The following ROBO2 variants were observed in gnomAD, a reference collection of about 807,000 sequenced individuals.
ROBO2 encodes the protein roundabout homolog 2.
In ROBO2, 53 loss-of-function variants were observed where a neutral mutation model predicts 160.8. The ratio of observed to expected loss-of-function variants is 0.33; its 90% CI spans 0.26 to 0.41. The LOEUF (loss-of-function observed/expected upper bound fraction) is 0.41, where lower values mean the gene tolerates loss of function less well. Ranked by LOEUF, ROBO2 falls within the 10% of genes least tolerant of loss-of-function variation. The probability of loss-of-function intolerance (pLI) is 1.00; values close to 1 mark genes in which losing one functional copy is unlikely to be tolerated. For synonymous variants in ROBO2, 664 were observed against 611.7 expected (o/e 1.09, Z -1.26); for missense variants, 1,577 against 1,722.4 (o/e 0.92, Z 1.49).
intron 12 of ROBO2, among the ~76,000 whole-genome samples, chr3:77,567,028 A>G (rs1205863307): frequency 2.0e-5 from 3 of 151,966 alleles, no homozygotes; most frequent in African/African-American, 7.2e-5. Flanking sequence ...AATGTTATTC[A>G]CATAAAGGGA....
intron 2 of ROBO2, among the ~76,000 whole-genome samples, chr3:77,340,276 G>T (rs2066925930): frequency 6.6e-6 from 1 of 152,046 alleles, no homozygotes; most frequent in Admixed American, 6.6e-5. Context: ...ACTAGCAATA[G>T]AATTAGTAGT....
At chr3:77,631,193 T>A (rs991069975) in intron 23 of ROBO2, 1 of 151,992 alleles carries the variant, frequency 6.6e-6, no homozygotes, top group Non-Finnish European at 1.5e-5. Flanking sequence ...ACTCTATCTT[T>A]CTTTGCTACA....
At chr3:76,271,734 T>A (rs1184576117) in intron 2 of ROBO2, among the ~76,000 whole-genome samples, 2 of 151,836 alleles carry the variant, frequency 1.3e-5, no homozygotes, top group African/African-American at 4.8e-5. Flanking sequence ...TCTCTTTGTT[T>A]CTCTCCCTTT....
intron 2 of ROBO2, among the ~76,000 whole-genome samples, chr3:76,408,936 AT>A (rs1312919134): frequency 1.3e-5 from 2 of 151,968 alleles, no homozygotes; most frequent in Non-Finnish European, 2.9e-5. Context: ...TTAGAGTAAC[AT>A]TTGGGAGATT....
chr3:76,315,203 GTC>G (rs1222218211), intron 2 of ROBO2, among the ~76,000 whole-genome samples: 1 of 152,178 alleles, frequency 6.6e-6, no homozygotes, highest in Non-Finnish European at 1.5e-5. Flanking sequence ...TCCTGGAAGA[GTC>G]TGTTGAGTTC....
intron 2 of ROBO2, among the ~76,000 whole-genome samples, chr3:76,695,238 A>G (rs186645168): frequency 6.6e-6 from 1 of 152,324 alleles, no homozygotes; most frequent in Admixed American, 6.5e-5. Flanking sequence ...GAATAATGTT[A>G]TTCATCCCTT....
chr3:76,082,867 A>G (rs1576785307), intron 2 of ROBO2, among the ~76,000 whole-genome samples: 1 of 152,112 alleles, frequency 6.6e-6, no homozygotes, highest in African/African-American at 2.4e-5. Context: ...GAATAAATCA[A>G]TGATTTTTTT....
intron 4 of ROBO2, among the ~76,000 whole-genome samples, chr3:77,484,508 AACACACACACACACACAC>A (rs60959193): frequency 2.2e-4 from 33 of 146,834 alleles, no homozygotes; most frequent in African/African-American, 8.0e-4. Context: ...CCCCAACACA[AACACACACACACACACAC>A]ACACACACAC....
chr3:76,231,536 G>A (rs532116024), intron 2 of ROBO2, among the ~76,000 whole-genome samples: 4 of 152,160 alleles, frequency 2.6e-5, no homozygotes, highest in Non-Finnish European at 5.9e-5. Context: ...CCATTCATCT[G>A]TAGTTTCATT....
intron 2 of ROBO2, among the ~76,000 whole-genome samples, chr3:77,395,118 A>G (rs2153504796): frequency 1.3e-5 from 2 of 152,180 alleles, no homozygotes; most frequent in East Asian, 3.9e-4. Context: ...AGTATTTGCT[A>G]TTTTCTACCC....
At chr3:77,615,224 C>A (rs751385786) in intron 21 of ROBO2, among the ~76,000 whole-genome samples, 8 of 151,942 alleles carry the variant, frequency 5.3e-5, no homozygotes, top group Non-Finnish European at 7.4e-5. Context: ...AGGCTTACAG[C>A]AAAATTGAGC....
chr3:76,055,373 C>T (rs913897591), intron 2 of ROBO2, among the ~76,000 whole-genome samples: 4 of 152,132 alleles, frequency 2.6e-5, no homozygotes, highest in African/African-American at 9.7e-5. Flanking sequence ...ATTTTAGATG[C>T]AGAGATTATT....
chr3:77,251,269 T>C (rs1053129004), intron 2 of ROBO2, among the ~76,000 whole-genome samples: 4 of 152,002 alleles, frequency 2.6e-5, no homozygotes, highest in African/African-American at 7.2e-5. Flanking sequence ...TAATATGATG[T>C]GGACATCGCC....
intron 2 of ROBO2, among the ~76,000 whole-genome samples, chr3:77,475,464 A>C (rs2153583482): frequency 6.6e-6 from 1 of 152,200 alleles, no homozygotes; most frequent in East Asian, 1.9e-4. Flanking sequence ...GTAACGTTGT[A>C]TTTCTGAATG....
intron 6 of ROBO2, among the ~76,000 whole-genome samples, chr3:77,526,872 C>T (rs2091213562): frequency 6.6e-6 from 1 of 151,538 alleles, no homozygotes; most frequent in South Asian, 2.1e-4. Flanking sequence ...GTTATATTTT[C>T]ATCCACCCTG....
At chr3:76,492,246 C>T (rs1029129601) in intron 2 of ROBO2, among the ~76,000 whole-genome samples, 1 of 152,000 alleles carries the variant, frequency 6.6e-6, no homozygotes. Flanking sequence ...TTAAAATTAC[C>T]TGTTTAATTT....
chr3:76,343,267 A>G (rs2074335721), intron 2 of ROBO2, among the ~76,000 whole-genome samples: 1 of 152,106 alleles, frequency 6.6e-6, no homozygotes, highest in Admixed American at 6.6e-5. Flanking sequence ...AACAACCTAT[A>G]TACTGTGTTG....
At chr3:77,581,769 A>G (rs2093924649) in intron 16 of ROBO2, among the ~76,000 whole-genome samples, 1 of 152,100 alleles carries the variant, frequency 6.6e-6, no homozygotes. Context: ...GTTTTATCTC[A>G]GGTCAAATTA....
chr3:76,025,823 T>G (rs866287390), intron 2 of ROBO2, among the ~76,000 whole-genome samples: 1 of 151,858 alleles, frequency 6.6e-6, no homozygotes, highest in Non-Finnish European at 1.5e-5. Flanking sequence ...GCCTCTTTTT[T>G]GTTTACCATT....
Sources: gnomAD v4.1 joint callset for allele counts (sites outside exome capture counted in the v4.1 genomes callset) on GRCh38, gnomAD v4.1.1 for gene constraint, MANE v1.5 for transcripts, NCBI Gene and HGNC (gene_info 2026-07-23, HGNC 2026-07-21) for gene names.